CNOT1: variants seen among roughly 807,000 people sequenced by gnomAD.
CNOT1 encodes the protein CCR4-associated factor 1.
In CNOT1, 15 loss-of-function variants were observed where a neutral mutation model predicts 273.8. The observed-to-expected ratio is 0.05, with a 90% CI of 0.04 to 0.08. The LOEUF (loss-of-function observed/expected upper bound fraction) is 0.08. Ranked by LOEUF, CNOT1 falls within the 10% of genes least tolerant of loss-of-function variation. CNOT1 has a pLI of 1.00. For missense variants in CNOT1, 1,644 were observed against 2,912.2 expected, an observed-to-expected ratio of 0.56 and a Z score of 10.02; for synonymous variants, 1,022 against 1,005.5, an observed-to-expected ratio of 1.02 and a Z score of -0.31.
rs2151890399 is a variant in CNOT1, at chr16:58,523,362, T to TTATTTTTTAAATA, written c.6917+7_6917+8insTATTTAAAAAATA. Reference sequence around the variant, plus strand: ...TTGAAGCATTTAAAAAATAAGCTGCTCGCTTACCTTGTGATCTGTTCTTGG... The same window carrying TTATTTTTTAAATA: ...TTGAAGCATTTAAAAAATAAGCTGCTTATTTTTTAAATACGCTTACCTTGTGATCTGTTCTTGG... On this transcript the variant is annotated splice_region_variant and intron_variant, in intron 47 of 48. Transcript: ENST00000317147. 1 of 1,567,024 alleles carries TTATTTTTTAAATA rather than the reference T, an allele frequency of 6.4e-7. No individual in the cohort carries two copies. Among genetic ancestry groups the TTATTTTTTAAATA allele is most frequent in the East Asian group, 2.3e-5 (1 of 44,356 alleles).
intron 39 of CNOT1, among the ~76,000 whole-genome samples, chr16:58,535,107 A>C (rs2039885981): frequency 6.6e-6 from 1 of 152,226 alleles, no homozygotes; most frequent in African/African-American, 2.4e-5. Flanking sequence ...AACAAACAAA[A>C]AAAGACAACA....
At chr16:58,543,129 A>T in intron 31 of CNOT1, 1 of 1,325,244 alleles carries the variant, frequency 7.5e-7, no homozygotes, top group Non-Finnish European at 9.7e-7. Flanking sequence ...ACAACCAAAA[A>T]AAATCATTAA....
chr16:58,524,000 CA>C (rs1567383607), intron 46 of CNOT1, among the ~76,000 whole-genome samples: 2 of 152,144 alleles, frequency 1.3e-5, no homozygotes, highest in African/African-American at 4.8e-5. Context: ...GTAATCCCAG[CA>C]CTTTGGGAGG....
intron 1 of CNOT1, among the ~76,000 whole-genome samples, chr16:58,609,431 C>T (rs2042810268): frequency 6.6e-6 from 1 of 151,980 alleles, no homozygotes; most frequent in African/African-American, 2.4e-5. Context: ...ATGTAACCCA[C>T]ACCACCTGTC....
chr16:58,565,537 A>G (rs556255027), intron 16 of CNOT1, among the ~76,000 whole-genome samples: 20 of 152,282 alleles, frequency 1.3e-4, no homozygotes, highest in Admixed American at 2.6e-4. Flanking sequence ...TATTCCCACA[A>G]TGCTCTTCAA....
chr16:58,585,564 T>C, intron 7 of CNOT1, 58 bp from the exon 8 acceptor site: 2 of 1,563,710 alleles, frequency 1.3e-6, no homozygotes, highest in Non-Finnish European at 1.7e-6. Flanking sequence ...AATCCTCTTT[T>C]GCTCTATCCA....
At chr16:58,599,050 CAA>C (rs55921701) in intron 2 of CNOT1, 184 bp downstream of exon 2, 20,308 of 305,540 alleles carry the variant, frequency 0.066, 1 homozygote, top group East Asian at 0.13. Context: ...GACTCTGTCT[CAA>C]AAAAAAAAAA....
At chr16:58,594,971 C>T (rs1178955687) in intron 2 of CNOT1, among the ~76,000 whole-genome samples, 1 of 151,494 alleles carries the variant, frequency 6.6e-6, no homozygotes, top group Admixed American at 6.6e-5. Context: ...AAAAATTACC[C>T]GGGCATGGTG....
intron 7 of CNOT1, among the ~76,000 whole-genome samples, chr16:58,586,072 T>C (rs1188807068): frequency 6.7e-6 from 1 of 149,936 alleles, no homozygotes; most frequent in Non-Finnish European, 1.5e-5. Flanking sequence ...ACAATGCCGA[T>C]ATCCAAGGAG....
At chr16:58,592,044 T>C (rs1469445766) in intron 2 of CNOT1, among the ~76,000 whole-genome samples, 1 of 152,200 alleles carries the variant, frequency 6.6e-6, no homozygotes, top group Non-Finnish European at 1.5e-5. Flanking sequence ...TACTTAATTT[T>C]TCATATATTA....
chr16:58,580,513 A>G (rs1057085547), intron 12 of CNOT1, 120 bp downstream of exon 12: 124 of 1,395,428 alleles, frequency 8.9e-5, no homozygotes, highest in Non-Finnish European at 1.1e-4. Flanking sequence ...AAGATAAGTA[A>G]GGTCACTAAA....
rs542951544 is a variant in CNOT1 at position 58,558,563 on chromosome 16, G to C, written c.2242C>G (p.Gln748Glu). 6.2e-7 allele frequency: 1 copy of C among 1,613,628 alleles called. No individual in the cohort carries two copies. Among genetic ancestry groups the C allele is most frequent in the East Asian group, 2.2e-5 (1 of 44,860 alleles). Residue 748 changes from glutamine (Q) to glutamate (E), a missense_variant, in exon 18 of 49, where the codon CAG becomes GAG. Around this residue, in one of 13 missense-constraint regions of CNOT1, gnomAD observed 706 missense variants for 1,021.2 expected, o/e 0.69. Transcript: ENST00000317147. ...GGTGGAAATGCTTTTGCTGGTGACT[G>C]AGGGGTACTGAATGCAGAACCCAAA... The part of the protein sequence containing the change: ...PNLGSAFSTP[Q>E]SPAKAFPPLS...
chr16:58,587,115 C>CT (rs1169107236), intron 6 of CNOT1, 86 bp downstream of exon 6: 1 of 1,505,378 alleles, frequency 6.6e-7, no homozygotes, highest in African/African-American at 1.4e-5. Flanking sequence ...ATCTTACTCT[C>CT]TAAGTCTAAA....
intron 1 of CNOT1, among the ~76,000 whole-genome samples, chr16:58,624,994 T>C (rs978984682): frequency 6.6e-6 from 1 of 151,120 alleles, no homozygotes; most frequent in African/African-American, 2.4e-5. Context: ...ACATCTGTAA[T>C]CACGGCACTC....
Position 58,551,682 on chromosome 16 carries a change from A to C in CNOT1, c.3108T>G (p.Val1036=), listed in dbSNP as rs758712677. 6.2e-6 allele frequency: 10 copies of C among 1,614,098 alleles called. No homozygotes were observed. Among genetic ancestry groups the C allele is most frequent in the Non-Finnish European group, 8.5e-6 (10 of 1,180,042 alleles). Residue 1036 remains valine (V), a synonymous_variant, in exon 23 of 49, where the codon GTT becomes GTG. Transcript: ENST00000317147. ...VPAKAPLAGQ[V]STMVTTSTTT... ...TTGTTGAGGTGGTTACCATAGTGCTAACTTGACCAGCAAGAGGAGCTTTTG... is the reference window on the plus strand; with the variant it reads ...TTGTTGAGGTGGTTACCATAGTGCTCACTTGACCAGCAAGAGGAGCTTTTG...
At chr16:58,585,651 G>T in intron 7 of CNOT1, 145 bp from the exon 8 acceptor site, 1 of 1,361,898 alleles carries the variant, frequency 7.3e-7, no homozygotes, top group Non-Finnish European at 9.6e-7. Flanking sequence ...CCTACTAGCC[G>T]AAGTTACGAC....
rs1411801130 is a variant in CNOT1 at position 58,614,102 on chromosome 16, A to G, written c.-174-14591T>C. Among the ~76,000 whole-genome samples, 10 of 120,712 alleles carry G rather than the reference A, an allele frequency of 8.3e-5. 3 individuals carry two copies. The highest frequency in any genetic ancestry group is 1.2e-4 in the Non-Finnish European group (6 of 51,256). The allele number at this position is 120,712 out of a possible 152,430, so 79.2% of individuals were successfully genotyped here. Reference sequence around the variant, plus strand: ...GCGAGACACTGTCTCAAAAAAAAAAAAAAAGAAAAGAAAATTACTCTCAAA... The same window carrying G: ...GCGAGACACTGTCTCAAAAAAAAAAGAAAAGAAAAGAAAATTACTCTCAAA... On this transcript the variant is annotated intron_variant, in intron 1 of 48. Transcript: ENST00000317147.
intron 8 of CNOT1, among the ~76,000 whole-genome samples, chr16:58,584,421 C>T (rs2041767333): frequency 6.6e-6 from 1 of 151,898 alleles, no homozygotes; most frequent in Non-Finnish European, 1.5e-5. Context: ...ATCTCCACCT[C>T]CTGGGTTCAA....
rs1357787890 is a variant in CNOT1, at chr16:58,520,217, T to C, written c.*741A>G. On this transcript the variant is annotated 3_prime_UTR_variant, in exon 49 of 49. Transcript: ENST00000317147. ...CCCTTTCCTATATTCCCACTGTTTT[T>C]AAGTTTCAGGAGAGGATTGGGGGGG... 6.8e-6 allele frequency: 1 copy of C among 147,526 alleles called. No homozygotes were observed. The highest frequency in any genetic ancestry group is 2.1e-4 in the East Asian group (1 of 4,840). 9.1% of individuals were successfully genotyped at this position (147,526 alleles called of 1,614,324 possible). A position where few individuals can be genotyped will look rare whatever the true frequency, so the allele number is the denominator to read the frequency against.
Sources: gnomAD v4.1 joint callset for allele counts (sites outside exome capture counted in the v4.1 genomes callset) on GRCh38, gnomAD v4.1.1 for gene constraint, gnomAD v4.1.1 regional missense constraint, MANE v1.5 for transcripts, NCBI Gene and HGNC (gene_info 2026-07-23, HGNC 2026-07-21) for gene names.